The following PFKL variants were observed in gnomAD, a reference collection of about 807,000 sequenced individuals.
PFKL encodes ATP-dependent 6-phosphofructokinase, liver type.
A neutral mutation model predicts 92.1 loss-of-function variants in PFKL; 74 were observed. The ratio of observed to expected loss-of-function variants is 0.80; its 90% CI spans 0.67 to 0.97. The LOEUF is 0.97. PFKL is among the 50% of genes least tolerant of loss of function. The probability of loss-of-function intolerance (pLI) is 0.00; values close to 1 mark genes in which losing one functional copy is unlikely to be tolerated. For missense variants in PFKL, 1,028 were observed against 1,116.6 expected, an observed-to-expected ratio of 0.92 and a Z score of 1.13; for synonymous variants, 494 against 456.4, an observed-to-expected ratio of 1.08 and a Z score of -1.05.
Position 44,300,096 on chromosome 21 carries a change from G to T in PFKL, c.-10G>T, listed in dbSNP as rs761523738. ...GGAGTGCGAGCTGGGCCCGTGTTTC[G>T]GCCGCCGCCATGGCCGCGGTGGACC... is the stretch of plus-strand genomic sequence containing the variant. On this transcript the variant is annotated 5_prime_UTR_variant, in exon 1 of 22. Transcript: ENST00000349048. 7 of 1,134,664 alleles carry T rather than the reference G, an allele frequency of 6.2e-6. No homozygotes were observed. In the South Asian group the frequency reaches 1.4e-4, roughly 23 times the overall value. The allele number at this position is 1,134,664 out of a possible 1,614,324, so 70.3% of individuals were successfully genotyped here.
chr21:44,305,459 G>GGGC, intron 1 of PFKL: 1 of 915,064 alleles, frequency 1.1e-6, no homozygotes, highest in Non-Finnish European at 1.6e-6. Context: ...GGGTGGGAGG[G>GGGC]CAGGGGCTTT....
intron 7 of PFKL, chr21:44,314,266 C>T (rs939721494): frequency 1.9e-6 from 1 of 539,918 alleles, no homozygotes; most frequent in Non-Finnish European, 3.3e-6. Flanking sequence ...GCCGCCGCCC[C>T]AGGCTCAGCC....
chr21:44,304,497 C>T (rs2040871332), intron 1 of PFKL: 4 of 1,154,534 alleles, frequency 3.5e-6, no homozygotes, highest in Non-Finnish European at 3.2e-6. Flanking sequence ...GCAGGGAGGG[C>T]GAGGGAGGGA....
intron 11 of PFKL, 75 bp downstream of exon 11, chr21:44,319,490 G>A (rs746218259): frequency 6.6e-5 from 82 of 1,249,508 alleles, no homozygotes; most frequent in South Asian, 5.8e-4. Flanking sequence ...CTGCAGTGGC[G>A]CTATGCACGC....
intron 3 of PFKL, among the ~76,000 whole-genome samples, chr21:44,311,615 G>A (rs1426842518): frequency 6.6e-6 from 1 of 152,222 alleles, no homozygotes; most frequent in African/African-American, 2.4e-5. Flanking sequence ...GGGTCGCAGG[G>A]TCATGGGGTT....
In PFKL at chr21:44,313,099, C is replaced by T. The variant is rs761275998; in HGVS notation, c.549C>T (p.His183=). The change falls in exon 5 of 22, where the codon CAC becomes CAT. Residue 183 remains histidine, a synonymous_variant. Transcript: ENST00000349048. ...CCATCGGCACGGACTCGGCCCTCCA[C>T]CGCATCATGGAGGTCATCGATGCCA... ...DMTIGTDSAL[H]RIMEVIDAIT... The T allele has an allele frequency of 3.4e-5, 55 of 1,613,058 alleles. No homozygotes were observed. In the East Asian group the frequency reaches 1.1e-3, roughly 31 times the overall value.
At position 44,305,209 on chromosome 21, in the gene PFKL, T is replaced by C; in HGVS notation, c.86-1472T>C. ...GTAGTGTGGGGATGGTGGCAGATAC[T>C]CTGGCTGCTACGTGAGAACAGTGTG... On this transcript the variant is annotated intron_variant, in intron 1 of 21. Coordinates refer to ENST00000349048, the MANE Select transcript of PFKL (RefSeq NM_002626.6). 17 of 1,249,732 alleles carry C rather than the reference T, an allele frequency of 1.4e-5. No individual in the cohort carries two copies. In the South Asian group the frequency reaches 2.0e-4, roughly 15 times the overall value. The allele number at this position is 1,249,732 out of a possible 1,614,324, so 77.4% of individuals were successfully genotyped here.
intron 1 of PFKL, chr21:44,305,931 G>T (rs1012210061): frequency 3.7e-6 from 5 of 1,360,012 alleles, no homozygotes; most frequent in Admixed American, 1.9e-5. Flanking sequence ...TGTCCAGGCT[G>T]GGGGGTGAGG....
chr21:44,320,212 C>A, intron 12 of PFKL, 65 bp downstream of exon 12: 1 of 1,448,908 alleles, frequency 6.9e-7, no homozygotes, highest in Non-Finnish European at 9.7e-7. Context: ...CCTCTTCACG[C>A]TGGCCCCGTG....
At chr21:44,309,582 A>G (rs1210759851) in intron 2 of PFKL, among the ~76,000 whole-genome samples, 1 of 152,126 alleles carries the variant, frequency 6.6e-6, no homozygotes, top group Non-Finnish European at 1.5e-5. Flanking sequence ...GGCTGGCCAT[A>G]CCTGCCTGCC....
intron 2 of PFKL, among the ~76,000 whole-genome samples, chr21:44,309,049 G>A (rs899896773): frequency 3.3e-5 from 5 of 152,126 alleles, no homozygotes; most frequent in African/African-American, 1.2e-4. Context: ...CAGATTCGGG[G>A]GCTTCAGGGA....
intron 21 of PFKL, 115 bp from the exon 22 acceptor site, chr21:44,326,600 A>G: frequency 1.6e-6 from 2 of 1,266,852 alleles, no homozygotes; most frequent in South Asian, 1.4e-5. Context: ...AGATGTTCAG[A>G]CAGAGGGGCA....
At chr21:44,318,183 A>G (rs1323697333) in intron 9 of PFKL, among the ~76,000 whole-genome samples, 1 of 152,176 alleles carries the variant, frequency 6.6e-6, no homozygotes, top group African/African-American at 2.4e-5. Context: ...TTGCGCGCCT[A>G]GCGATGGCAG....
intron 13 of PFKL, 116 bp from the exon 14 acceptor site, chr21:44,322,017 A>C: frequency 6.9e-7 from 1 of 1,444,598 alleles, no homozygotes; most frequent in Non-Finnish European, 9.3e-7. Flanking sequence ...CTGGGTACTC[A>C]GCTCTGCCTG....
At chr21:44,321,617 C>A in intron 12 of PFKL, 112 bp from the exon 13 acceptor site, 1 of 1,095,856 alleles carries the variant, frequency 9.1e-7, no homozygotes, top group Non-Finnish European at 1.3e-6. Context: ...GTCCAGGCTG[C>A]TGGCAGGGCC....
chr21:44,325,732 G>A (rs2047488148), intron 19 of PFKL: 4 of 564,724 alleles, frequency 7.1e-6, no homozygotes, highest in Non-Finnish European at 1.3e-5. Context: ...ACTTGGCCAG[G>A]GGCAGCCGAC....
intron 7 of PFKL, chr21:44,314,721 C>CCCCTCA (rs2047152491): frequency 6.6e-6 from 1 of 152,288 alleles, no homozygotes; most frequent in East Asian, 1.9e-4. Flanking sequence ...GACCCTGAGA[C>CCCCTCA]CCCTCAACTG....
chr21:44,321,806 G>T lies in PFKL; in HGVS notation c.1269G>T (p.Arg423=), dbSNP rs761657153. The T allele has an allele frequency of 6.2e-7, 1 of 1,602,942 alleles. No individual in the cohort carries two copies. Among genetic ancestry groups the T allele is most frequent in the Non-Finnish European group, 8.5e-7 (1 of 1,174,780 alleles). The change falls in exon 13 of 22, where the codon CGG becomes CGT. Residue 423 remains arginine, a synonymous_variant. Coordinates refer to ENST00000349048, the MANE Select transcript of PFKL (RefSeq NM_002626.6). ...ATGCGGCCGTGCGCTCGGCGGTGCG[G>T]ACCGGCATCTCCCATGGACACACAG... ...GMNAAVRSAV[R]TGISHGHTVY...
chr21:44,313,411 C>T (rs112812483), intron 5 of PFKL, among the ~76,000 whole-genome samples: 1,938 of 152,326 alleles, frequency 0.013, 42 homozygotes, highest in African/African-American at 0.044. Flanking sequence ...CTGGGCTGGC[C>T]AGGCCTGGGC....
Sources: gnomAD v4.1 joint callset for allele counts (sites outside exome capture counted in the v4.1 genomes callset) on GRCh38, gnomAD v4.1.1 for gene constraint, MANE v1.5 for transcripts, NCBI Gene and HGNC (gene_info 2026-07-23, HGNC 2026-07-21) for gene names.